HEATR1: variants seen among roughly 807,000 people sequenced by gnomAD.
The protein encoded by HEATR1 is HEAT repeat containing 1.
HEATR1 carries 77 observed loss-of-function variants against 248.2 expected under a neutral mutation model. That is an observed-to-expected ratio of 0.31 (90% CI 0.26 to 0.37). The LOEUF (loss-of-function observed/expected upper bound fraction) is 0.37. Among genes scored for constraint, HEATR1 ranks in the 10% least tolerant of loss-of-function variants. HEATR1 has a pLI of 1.00. For missense variants in HEATR1, 2,420 were observed against 2,504.9 expected, an observed-to-expected ratio of 0.97 and a Z score of 0.72; for synonymous variants, 897 against 923.1, an observed-to-expected ratio of 0.97 and a Z score of 0.51.
Position 236,576,915 on chromosome 1 carries a change from G to A in HEATR1, c.2790C>T (p.Pro930=), listed in dbSNP as rs752890537. 23 of 1,610,560 alleles carry A rather than the reference G, an allele frequency of 1.4e-5. No homozygotes were observed. Among genetic ancestry groups the A allele is most frequent in the Middle Eastern group, 1.6e-4 (1 of 6,062 alleles). Residue 930 remains proline (P), a synonymous_variant, in exon 21 of 45, where the codon CCC becomes CCT. Transcript: ENST00000366582. Reference sequence around the variant, plus strand: ...TGGCAGCCCTACGAACTTCTTTTACGGGGCTTCCCAGGTTAATGAGTAAAG... The same window carrying A: ...TGGCAGCCCTACGAACTTCTTTTACAGGGCTTCCCAGGTTAATGAGTAAAG... The part of the protein sequence containing the change: ...VTSLLINLGS[P]VKEVRRAAIQ...
Position 236,574,669 on chromosome 1 carries a change from G to A in HEATR1, c.3319C>T (p.Leu1107Phe), listed in dbSNP as rs1663519174. The A allele has an allele frequency of 1.2e-6, 2 of 1,611,862 alleles. No individual in the cohort carries two copies. The highest frequency in any genetic ancestry group is 1.7e-6 in the Non-Finnish European group (2 of 1,179,158). Reference sequence around the variant, plus strand: ...TGAAAGAAATCACTGACCTTTTCAAGGGCTGTGATCTGAATGGTTGGCATT... The same window carrying A: ...TGAAAGAAATCACTGACCTTTTCAAAGGCTGTGATCTGAATGGTTGGCATT... ...AGMPTIQITA[L>F]EKITKPFFAA... is the part of the protein sequence containing the mutation. Residue 1107 changes from leucine (L) to phenylalanine (F), a missense_variant, in exon 23 of 45, where the codon CTT becomes TTT. Coordinates refer to ENST00000366582, the MANE Select transcript of HEATR1 (RefSeq NM_018072.6).
chr1:236,572,167 A>G (rs753163074), intron 26 of HEATR1, among the ~76,000 whole-genome samples: 1 of 152,216 alleles, frequency 6.6e-6, no homozygotes, highest in African/African-American at 2.4e-5. Context: ...CACGCTACTG[A>G]AAAGTTCAGA....
At chr1:236,590,741 C>T (rs989302006) in intron 12 of HEATR1, 106 bp downstream of exon 12, 1 of 457,042 alleles carries the variant, frequency 2.2e-6, no homozygotes. Flanking sequence ...TTATTCAACT[C>T]ATCTGTATCA....
chr1:236,594,187 A>C, intron 8 of HEATR1, 73 bp from the exon 9 acceptor site: 1 of 976,364 alleles, frequency 1.0e-6, no homozygotes, highest in Non-Finnish European at 1.6e-6. Flanking sequence ...ATTCACTTAT[A>C]GCAGAAAATC....
At chr1:236,567,435 G>A (rs1019765486) in intron 29 of HEATR1, among the ~76,000 whole-genome samples, 2 of 152,228 alleles carry the variant, frequency 1.3e-5, no homozygotes, top group Non-Finnish European at 1.5e-5. Flanking sequence ...ACATGGCTGG[G>A]CGCAGTGGCT....
chr1:236,564,937 G>T lies in HEATR1; in HGVS notation c.4436-276C>A, dbSNP rs79976233. On this transcript the variant is annotated intron_variant, in intron 31 of 44. Coordinates refer to ENST00000366582, the MANE Select transcript of HEATR1 (RefSeq NM_018072.6). ...AATCAAATGGAAGAAACCACATCAC[G>T]GAAGGAGTCTCTGAACTTCCAACTG... Among the ~76,000 whole-genome samples the T allele has an allele frequency of 2.9e-3, 438 of 152,256 alleles. 5 individuals carry two copies. The highest frequency in any genetic ancestry group is 9.9e-3 in the African/African-American group (412 of 41,538).
At position 236,558,286 on chromosome 1, in the gene HEATR1, C is replaced by G; in HGVS notation, c.5155G>C (p.Ala1719Pro). 6 of 1,614,192 alleles carry G rather than the reference C, an allele frequency of 3.7e-6. No individual in the cohort carries two copies. The highest frequency in any genetic ancestry group is 5.1e-6 in the Non-Finnish European group (6 of 1,180,038). Residue 1719 changes from alanine to proline, a missense_variant, in exon 36 of 45, where the codon GCA (alanine) becomes CCA (proline). Coordinates refer to ENST00000366582, the MANE Select transcript of HEATR1 (RefSeq NM_018072.6). ...NVLGSALLCIAEVTSTLEALA... is the reference protein window; with the variant it reads ...NVLGSALLCIPEVTSTLEALA... ...GCCTCCAGGGTGGAGGTCACCTCTG[C>G]TATGCACAGCAGCGCGCTTCCCAGG...
chr1:236,602,967 T>A (rs1406579208), intron 3 of HEATR1, 193 bp downstream of exon 3: 3 of 579,320 alleles, frequency 5.2e-6, no homozygotes, highest in African/African-American at 3.7e-5. Context: ...AAATCACCAG[T>A]AGTTCTACTT....
chr1:236,588,087 T>C (rs1034346043), intron 12 of HEATR1, 44 bp from the exon 13 acceptor site: 3 of 1,458,198 alleles, frequency 2.1e-6, no homozygotes, highest in East Asian at 2.3e-5. Flanking sequence ...TTGCCAAAAA[T>C]CTCTTAAGGC....
chr1:236,597,938 G>A lies in HEATR1; in HGVS notation c.543C>T (p.His181=), dbSNP rs143351403. Residue 181 remains histidine, a synonymous_variant, in exon 5 of 45, where the codon CAC becomes CAT. Coordinates refer to ENST00000366582, the MANE Select transcript of HEATR1 (RefSeq NM_018072.6). ...VPLAKGTLIT[H]CYKDLGFMDF... is the part of the protein sequence containing the mutation. ...CCATGAATCCAAGATCTTTGTAGCA[G>A]TGGGTAATCAAAGTTCCTTTAGCTA... 5 of 1,613,676 alleles carry A rather than the reference G, an allele frequency of 3.1e-6. No individual in the cohort carries two copies. Among genetic ancestry groups the A allele is most frequent in the South Asian group, 1.1e-5 (1 of 91,016 alleles).
intron 11 of HEATR1, 101 bp downstream of exon 11, chr1:236,591,892 T>C (rs1361605704): frequency 1.4e-5 from 9 of 652,646 alleles, no homozygotes; most frequent in Non-Finnish European, 2.2e-5. Flanking sequence ...TGTAAAATTT[T>C]CCACACAAGG....
intron 17 of HEATR1, among the ~76,000 whole-genome samples, chr1:236,583,733 C>T (rs1248509712): frequency 6.6e-6 from 1 of 152,010 alleles, no homozygotes; most frequent in Non-Finnish European, 1.5e-5. Context: ...ATGATCCACC[C>T]GCCTCGGCCT....
chr1:236,571,655 T>C lies in HEATR1; in HGVS notation c.3739A>G (p.Asn1247Asp), dbSNP rs370088862. Reference protein sequence around the residue: ...CLEPLPQEQGNMEYTKQLILS... With the variant: ...CLEPLPQEQGDMEYTKQLILS... ...ATTAATTGTTTGGTGTATTCCATAT[T>C]TCCCTGCTCTTGTGGCAAGGGTTCT... The change falls in exon 27 of 45, where the codon AAT becomes GAT. Residue 1247 changes from asparagine to aspartate, a missense_variant. Asn to Asp is a conservative substitution (Grantham distance 23, BLOSUM62 1). Coordinates refer to ENST00000366582, the MANE Select transcript of HEATR1 (RefSeq NM_018072.6). 12 of 1,613,882 alleles carry C rather than the reference T, an allele frequency of 7.4e-6. No individual in the cohort carries two copies. The highest frequency in any genetic ancestry group is 1.0e-5 in the Non-Finnish European group (12 of 1,179,886).
In HEATR1 at chr1:236,555,618, A is replaced by G. The variant is rs758748046; in HGVS notation, c.5687T>C (p.Ile1896Thr). ...LEEVGKTENC[I>T]IDCLVAMVVK... ...AACCATGGCTACTAGACAGTCAATG[A>G]TACAATTTTCCGTTTTTCCAACTTC... Residue 1896 changes from isoleucine (I) to threonine (T), a missense_variant, in exon 40 of 45, where the codon ATC becomes ACC. Coordinates refer to ENST00000366582, the MANE Select transcript of HEATR1 (RefSeq NM_018072.6). 2 of 1,614,256 alleles carry G rather than the reference A, an allele frequency of 1.2e-6. No homozygotes were observed. Among genetic ancestry groups the G allele is most frequent in the East Asian group, 2.2e-5 (1 of 44,890 alleles).
At chr1:236,584,928 C>G in intron 17 of HEATR1, 97 bp downstream of exon 17, 3 of 1,040,978 alleles carry the variant, frequency 2.9e-6, no homozygotes, top group South Asian at 1.7e-5. Flanking sequence ...TCCACAGACT[C>G]AACATCTCGC....
rs755234337 is a variant in HEATR1 at position 236,552,033 on chromosome 1, T to C, written c.6312A>G (p.Pro2104=). The C allele has an allele frequency of 1.2e-6, 2 of 1,613,340 alleles. No homozygotes were observed. Among genetic ancestry groups the C allele is most frequent in the South Asian group, 1.1e-5 (1 of 91,066 alleles). Residue 2104 remains proline, a synonymous_variant, in exon 44 of 45, where the codon CCA becomes CCG. Coordinates refer to ENST00000366582, the MANE Select transcript of HEATR1 (RefSeq NM_018072.6). ...KLKENYIVLL[P]ESIPFLAELM... ...ACTCTGCTAAGAAAGGAATGGATTC[T>C]GGTAGCAAGACAATATAATTCTCCT...
intron 3 of HEATR1, among the ~76,000 whole-genome samples, chr1:236,602,025 G>C (rs1664339212): frequency 6.6e-6 from 1 of 151,868 alleles, no homozygotes; most frequent in Admixed American, 6.6e-5. Flanking sequence ...TGTAATCCCA[G>C]CTACTTGGGA....
In HEATR1 at chr1:236,587,449, A is replaced by G; in HGVS notation, c.1668T>C (p.Asn556=). 3 of 1,541,878 alleles carry G rather than the reference A, an allele frequency of 1.9e-6. No homozygotes were observed. The highest frequency in any genetic ancestry group is 2.5e-5 in the South Asian group (2 of 78,456). Residue 556 remains asparagine (N), a synonymous_variant, in exon 14 of 45, where the codon AAT becomes AAC. Coordinates refer to ENST00000366582, the MANE Select transcript of HEATR1 (RefSeq NM_018072.6). ...EHFSSEVTIS[N]LLNLFQRAEL... ...CTGCTCTTTGAAAGAGATTCAGAAG[A>G]TTTGAAATCGTCACTTCTGAACTGA...
chr1:236,585,791 C>G, intron 16 of HEATR1, 29 bp downstream of exon 16: 1 of 1,599,456 alleles, frequency 6.3e-7, no homozygotes, highest in Middle Eastern at 1.7e-4. Flanking sequence ...GAAAGAAATC[C>G]AGGGGGTGGA....
Sources: gnomAD v4.1 joint callset for allele counts (sites outside exome capture counted in the v4.1 genomes callset) on GRCh38, gnomAD v4.1.1 for gene constraint, MANE v1.5 for transcripts, NCBI Gene and HGNC (gene_info 2026-07-23, HGNC 2026-07-21) for gene names.